Variants in FSTL5 observed in about 807,000 individuals in gnomAD.
FSTL5 encodes the protein follistatin like 5.
FSTL5 carries 62 observed loss-of-function variants against 89.1 expected under a neutral mutation model. The observed-to-expected ratio is 0.70, with a 90% CI of 0.57 to 0.86. The LOEUF (loss-of-function observed/expected upper bound fraction) is 0.86, where lower values mean the gene tolerates loss of function less well. Ranked by LOEUF, FSTL5 falls within the 40% of genes least tolerant of loss-of-function variation. FSTL5 has a pLI of 0.00. For synonymous variants in FSTL5, 383 were observed against 346.2 expected (o/e 1.11, Z -1.18); for missense variants, 1,057 against 1,001.6 (o/e 1.06, Z -0.75).
intron 6 of FSTL5, among the ~76,000 whole-genome samples, chr4:161,698,991 T>G (rs1243057884): frequency 6.6e-6 from 1 of 151,662 alleles, no homozygotes; most frequent in East Asian, 1.9e-4. Context: ...GAGAAATAAT[T>G]TGATGAATAA....
intron 2 of FSTL5, among the ~76,000 whole-genome samples, chr4:162,101,565 C>T (rs542676215): frequency 6.6e-6 from 1 of 152,054 alleles, no homozygotes; most frequent in Admixed American, 6.6e-5. Context: ...GCCTCTCAGG[C>T]TCTCAGTTTT....
intron 3 of FSTL5, among the ~76,000 whole-genome samples, chr4:161,982,563 C>A (rs7674343): frequency 0.74 from 113,295 of 152,118 alleles, 43,251 homozygotes; most frequent in Middle Eastern, 0.85. Flanking sequence ...CTTGTGTTAC[C>A]TATTTCCTTG....
intron 4 of FSTL5, among the ~76,000 whole-genome samples, chr4:161,895,893 C>T (rs954374379): frequency 1.3e-5 from 2 of 152,000 alleles, no homozygotes; most frequent in African/African-American, 2.4e-5. Flanking sequence ...TCTGTTTCAC[C>T]ACAGACAAAA....
chr4:161,560,537 C>T (rs901476404), intron 8 of FSTL5, among the ~76,000 whole-genome samples: 1 of 151,264 alleles, frequency 6.6e-6, no homozygotes, highest in African/African-American at 2.4e-5. Flanking sequence ...TACAAATGTA[C>T]AAATTTTTTA....
chr4:162,053,753 C>T (rs895378170), intron 2 of FSTL5, among the ~76,000 whole-genome samples: 16 of 151,558 alleles, frequency 1.1e-4, no homozygotes, highest in African/African-American at 3.4e-4. Flanking sequence ...AACATCAAAT[C>T]CAACTTTAGA....
rs559963855 is a variant in FSTL5 at position 161,927,250 on chromosome 4, C to T, written c.161-6598G>A. Among the ~76,000 whole-genome samples, 6 of 151,732 alleles carry T rather than the reference C, an allele frequency of 4.0e-5. No homozygotes were observed. The South Asian group carries it at 1.2e-3, about 31-fold the overall frequency. On this transcript the variant is annotated intron_variant, in intron 3 of 15. Coordinates refer to ENST00000306100, the MANE Select transcript of FSTL5 (RefSeq NM_020116.5). ...AGAGAAAAGGCATATGCTAAATCAT[C>T]TGCAAGACTTAAAATATTTCAGGCT... is the stretch of plus-strand genomic sequence containing the variant.
intron 3 of FSTL5, among the ~76,000 whole-genome samples, chr4:161,993,138 T>C (rs867428686): frequency 1.2e-4 from 18 of 151,258 alleles, no homozygotes; most frequent in South Asian, 2.1e-4. Flanking sequence ...AAAATATATT[T>C]ATTTGTCAAT....
At chr4:161,452,787 TAA>T in intron 15 of FSTL5, among the ~76,000 whole-genome samples, 1 of 75,260 alleles carries the variant, frequency 1.3e-5, no homozygotes, top group South Asian at 3.8e-4. Flanking sequence ...TAAATACGTA[TAA>T]ATAAAGTAGT....
rs569637643 is a variant in FSTL5 at position 161,386,073 on chromosome 4, A to C, written c.2218T>G (p.Ser740Ala). The change falls in exon 16 of 16, where the codon TCT becomes GCT. Residue 740 changes from serine (S) to alanine (A), a missense_variant. By Grantham distance (99) the Ser-to-Ala change is moderately conservative. Coordinates refer to ENST00000306100, the MANE Select transcript of FSTL5 (RefSeq NM_020116.5). ...AFDIYTNLHI[S>A]DLAFQPSFTE... ...AAGGATGGTTGAAATGCCAGATCAGATATGTGCAGATTTGTGTAAATATCA... is the reference window on the plus strand; with the variant it reads ...AAGGATGGTTGAAATGCCAGATCAGCTATGTGCAGATTTGTGTAAATATCA... The C allele has an allele frequency of 6.2e-7, 1 of 1,614,052 alleles. No individual in the cohort carries two copies. The highest frequency in any genetic ancestry group is 1.3e-5 in the African/African-American group (1 of 75,022).
At position 161,796,606 on chromosome 4, in the gene FSTL5, G is replaced by C. The variant is rs1016574766; in HGVS notation, c.410-20532C>G. Among the ~76,000 whole-genome samples the C allele has an allele frequency of 6.0e-5, 9 of 151,212 alleles. No homozygotes were observed. In the South Asian group the frequency reaches 1.7e-3, roughly 28 times the overall value. ...TTTTACTTGTGTACTTTTGTTTGCT[G>C]TTGTCTTTTTTATGTTCTTTTTCCA... On this transcript the variant is annotated intron_variant, in intron 4 of 15. Transcript: ENST00000306100.
intron 5 of FSTL5, among the ~76,000 whole-genome samples, chr4:161,770,087 T>C (rs1476430317): frequency 6.6e-6 from 1 of 152,020 alleles, no homozygotes; most frequent in East Asian, 1.9e-4. Flanking sequence ...TGGAGATCAT[T>C]ATGTTACATG....
intron 4 of FSTL5, among the ~76,000 whole-genome samples, chr4:161,918,096 ACT>A (rs1387503539): frequency 1.3e-5 from 2 of 152,088 alleles, no homozygotes; most frequent in Admixed American, 6.5e-5. Context: ...ACTTGCTGAA[ACT>A]CCACAAAAAA....
chr4:161,902,473 C>T (rs1020567286), intron 4 of FSTL5, among the ~76,000 whole-genome samples: 2 of 152,122 alleles, frequency 1.3e-5, no homozygotes, highest in Non-Finnish European at 2.9e-5. Flanking sequence ...ATCAGTGATT[C>T]TACTTTTTAC....
chr4:161,622,339 T>C (rs1170370410), intron 7 of FSTL5, among the ~76,000 whole-genome samples: 1 of 152,108 alleles, frequency 6.6e-6, no homozygotes, highest in Non-Finnish European at 1.5e-5. Flanking sequence ...ACAACTTTTT[T>C]TGTAAAACAG....
intron 12 of FSTL5, among the ~76,000 whole-genome samples, chr4:161,493,577 G>C (rs893398400): frequency 1.3e-5 from 2 of 151,880 alleles, no homozygotes; most frequent in Non-Finnish European, 1.5e-5. Context: ...ATAGATTTGT[G>C]TGATTTTGTA....
At chr4:161,483,397 C>A (rs1729585708) in intron 12 of FSTL5, among the ~76,000 whole-genome samples, 1 of 152,256 alleles carries the variant, frequency 6.6e-6, no homozygotes, top group Admixed American at 6.5e-5. Flanking sequence ...TGACAAATAA[C>A]TGTCAGCCAA....
intron 15 of FSTL5, among the ~76,000 whole-genome samples, chr4:161,412,942 T>A (rs891668412): frequency 6.6e-6 from 1 of 152,178 alleles, no homozygotes; most frequent in Non-Finnish European, 1.5e-5. Context: ...GATTTAAATG[T>A]AAGGCCTCAA....
chr4:161,590,367 C>T (rs987818767), intron 7 of FSTL5, among the ~76,000 whole-genome samples: 4 of 152,000 alleles, frequency 2.6e-5, no homozygotes, highest in Admixed American at 6.6e-5. Flanking sequence ...GAGGAAACCC[C>T]GTCTCTACTA....
intron 4 of FSTL5, among the ~76,000 whole-genome samples, chr4:161,843,367 T>C (rs1474607647): frequency 6.6e-6 from 1 of 152,210 alleles, no homozygotes; most frequent in Non-Finnish European, 1.5e-5. Context: ...TATGGCCATT[T>C]TCACAGTATT....
Sources: gnomAD v4.1 joint callset for allele counts (sites outside exome capture counted in the v4.1 genomes callset) on GRCh38, gnomAD v4.1.1 for gene constraint, MANE v1.5 for transcripts, NCBI Gene and HGNC (gene_info 2026-07-23, HGNC 2026-07-21) for gene names.